NOX4: variants seen among roughly 807,000 people sequenced by gnomAD.
NOX4 encodes NADPH oxidase 4, also known as kidney oxidase-1.
A neutral mutation model predicts 87.6 loss-of-function variants in NOX4; 69 were observed. That is an observed-to-expected ratio of 0.79 (90% CI 0.65 to 0.96). The LOEUF is 0.96. NOX4 is among the 40% of genes least tolerant of loss of function. The pLI, the probability that NOX4 is intolerant of heterozygous loss-of-function variation, is 0.00. For missense variants in NOX4, 680 were observed against 681.5 expected (o/e 1.00, Z 0.02); for synonymous variants, 275 against 238.2 (o/e 1.15, Z -1.42).
At chr11:89,498,032 AG>A (rs1297045775) in exon 1 of NOX4, 2 of 152,182 alleles carry the variant, frequency 1.3e-5, no homozygotes, top group East Asian at 3.9e-4. Context: ...ACTCAAGACC[AG>A]TATCTTCTCC....
intron 1 of NOX4, among the ~76,000 whole-genome samples, chr11:89,497,651 G>A (rs1466999724): frequency 6.6e-6 from 1 of 152,120 alleles, no homozygotes; most frequent in African/African-American, 2.4e-5. Context: ...ATTTATTGAT[G>A]AGCTTGTTTG....
At chr11:89,549,158 T>C in the NOX4 span, among the ~76,000 whole-genome samples, 1 of 152,262 alleles carries the variant, frequency 6.6e-6, no homozygotes, top group Non-Finnish European at 1.5e-5. Context: ...TGCATATTTC[T>C]TTCTTTCACT....
intron 7 of NOX4, 89 bp from the exon 8 acceptor site, chr11:89,422,071 TCAC>T: frequency 1.5e-6 from 1 of 688,760 alleles, no homozygotes; most frequent in Non-Finnish European, 2.4e-6. Context: ...TTCAAACATC[TCAC>T]AATTTAAAAA....
intron 12 of NOX4, among the ~76,000 whole-genome samples, chr11:89,355,842 A>G (rs1938005324): frequency 6.6e-6 from 1 of 152,160 alleles, no homozygotes; most frequent in Admixed American, 6.6e-5. Context: ...TGTCTTAGAC[A>G]GCAAGTATGA....
chr11:89,572,856 A>C, the NOX4 span, among the ~76,000 whole-genome samples: 1 of 152,026 alleles, frequency 6.6e-6, no homozygotes, highest in African/African-American at 2.4e-5. Context: ...AAATATTTTT[A>C]GTATTTGGCT....
chr11:89,487,759 C>T (rs897783269), intron 2 of NOX4, among the ~76,000 whole-genome samples: 1 of 152,088 alleles, frequency 6.6e-6, no homozygotes, highest in Non-Finnish European at 1.5e-5. Flanking sequence ...AAATGTAAAA[C>T]ATCAGAACCA....
intron 2 of NOX4, among the ~76,000 whole-genome samples, chr11:89,468,208 G>T (rs1478858076): frequency 6.6e-6 from 1 of 152,076 alleles, no homozygotes; most frequent in East Asian, 1.9e-4. Context: ...CTTACACTAG[G>T]ATGAAATCTG....
intron 2 of NOX4, among the ~76,000 whole-genome samples, chr11:89,466,678 T>C (rs1945710317): frequency 6.6e-6 from 1 of 152,166 alleles, no homozygotes; most frequent in African/African-American, 2.4e-5. Context: ...TATGTTTTAG[T>C]AGAGGAAATA....
chr11:89,452,707 T>C (rs1945019263), intron 2 of NOX4, among the ~76,000 whole-genome samples: 1 of 152,024 alleles, frequency 6.6e-6, no homozygotes, highest in Non-Finnish European at 1.5e-5. Flanking sequence ...TAAATATATT[T>C]ATTTATATTT....
chr11:89,572,192 C>G, the NOX4 span, among the ~76,000 whole-genome samples: 1 of 152,232 alleles, frequency 6.6e-6, no homozygotes, highest in Non-Finnish European at 1.5e-5. Flanking sequence ...TGTCAGGGGC[C>G]ATGTCCTTAA....
intron 8 of NOX4, among the ~76,000 whole-genome samples, chr11:89,405,115 T>TGTGTGTGTGTGTG (rs58137988): frequency 6.9e-4 from 103 of 149,968 alleles, no homozygotes; most frequent in South Asian, 1.1e-3. Flanking sequence ...TGTGTGTGTG[T>TGTGTGTGTGTGTG]TGGAATGGGG....
At chr11:89,475,661 T>C (rs1359315648) in intron 2 of NOX4, among the ~76,000 whole-genome samples, 1 of 151,980 alleles carries the variant, frequency 6.6e-6, no homozygotes, top group East Asian at 1.9e-4. Context: ...TGGAACGGGA[T>C]AGGACAGGAC....
chr11:89,526,113 T>C, the NOX4 span, among the ~76,000 whole-genome samples: 1 of 152,218 alleles, frequency 6.6e-6, no homozygotes, highest in Non-Finnish European at 1.5e-5. Context: ...TAGTAGGTCT[T>C]GAAAGCAGCT....
At chr11:89,404,348 T>C (rs2135195718) in intron 8 of NOX4, among the ~76,000 whole-genome samples, 1 of 152,276 alleles carries the variant, frequency 6.6e-6, no homozygotes, top group Middle Eastern at 3.4e-3. Context: ...ATGAGCATAA[T>C]GCACTTAGCA....
chr11:89,426,947 A>G (rs1943453369), intron 7 of NOX4, among the ~76,000 whole-genome samples: 2 of 152,222 alleles, frequency 1.3e-5, no homozygotes, highest in Non-Finnish European at 2.9e-5. Context: ...CTGACCCCCG[A>G]GTAGCCTAAC....
chr11:89,546,027 A>C, the NOX4 span, among the ~76,000 whole-genome samples: 1 of 152,170 alleles, frequency 6.6e-6, no homozygotes, highest in Admixed American at 6.5e-5. Flanking sequence ...GTTGAAAAAT[A>C]TTTAAAAATT....
chr11:89,535,859 C>A, the NOX4 span, among the ~76,000 whole-genome samples: 112 of 152,136 alleles, frequency 7.4e-4, no homozygotes, highest in African/African-American at 2.6e-3. Flanking sequence ...ATTTAAAAAG[C>A]AATTGAAAAT....
At chr11:89,476,591 T>C (rs1946178640) in intron 2 of NOX4, among the ~76,000 whole-genome samples, 1 of 152,170 alleles carries the variant, frequency 6.6e-6, no homozygotes, top group East Asian at 1.9e-4. Flanking sequence ...ACAACTTATT[T>C]GTGCTCCTTT....
At chr11:89,519,956 T>C in the NOX4 span, among the ~76,000 whole-genome samples, 4 of 152,152 alleles carry the variant, frequency 2.6e-5, no homozygotes, top group East Asian at 7.7e-4. Context: ...TCTCTCATAA[T>C]ATTTATATAT....
Sources: gnomAD v4.1 joint callset for allele counts (sites outside exome capture counted in the v4.1 genomes callset) on GRCh38, gnomAD v4.1.1 for gene constraint, MANE v1.5 for transcripts, NCBI Gene and HGNC (gene_info 2026-07-23, HGNC 2026-07-21) for gene names.